HLCS: variants seen among roughly 807,000 people sequenced by gnomAD.
The protein encoded by HLCS is biotin--protein ligase.
In HLCS, 53 loss-of-function variants were observed where a neutral mutation model predicts 75.0. The ratio of observed to expected loss-of-function variants is 0.71; its 90% CI spans 0.57 to 0.89. The LOEUF is 0.89. Among genes scored for constraint, HLCS ranks in the 40% least tolerant of loss-of-function variants. HLCS has a pLI of 0.00. For missense variants in HLCS, 966 were observed against 1,074.0 expected, an observed-to-expected ratio of 0.90 and a Z score of 1.41; for synonymous variants, 431 against 428.6, an observed-to-expected ratio of 1.01 and a Z score of -0.07.
intron 2 of HLCS, among the ~76,000 whole-genome samples, chr21:36,949,757 T>G (rs1225350644): frequency 1.3e-5 from 2 of 152,162 alleles, no homozygotes; most frequent in African/African-American, 4.8e-5. Context: ...AAGAGAGATG[T>G]AGAGAGCAGA....
chr21:36,767,384 T>G (rs1023416091), intron 6 of HLCS, 99 bp from the exon 7 acceptor site: 13 of 1,201,680 alleles, frequency 1.1e-5, no homozygotes, highest in African/African-American at 1.0e-4. Context: ...CATCTGGGGG[T>G]GTGTGGCCAT....
intron 1 of HLCS, among the ~76,000 whole-genome samples, chr21:36,963,953 G>A (rs9981774): frequency 0.61 from 92,729 of 152,006 alleles, 28,577 homozygotes; most frequent in East Asian, 0.75. Context: ...CAGGCTTGGT[G>A]GCTCACACCT....
At chr21:36,938,175 A>G (rs1374344581) in intron 3 of HLCS, among the ~76,000 whole-genome samples, 1 of 152,256 alleles carries the variant, frequency 6.6e-6, no homozygotes, top group Non-Finnish European at 1.5e-5. Context: ...AGAACTTCAT[A>G]GTAACACTAG....
At chr21:36,982,034 T>G (rs1354346365) in intron 1 of HLCS, among the ~76,000 whole-genome samples, 1 of 152,212 alleles carries the variant, frequency 6.6e-6, no homozygotes, top group Non-Finnish European at 1.5e-5. Context: ...CTGCTGGGGT[T>G]TCTCATAACA....
chr21:36,799,755 T>C (rs939759635), intron 6 of HLCS, among the ~76,000 whole-genome samples: 1 of 152,188 alleles, frequency 6.6e-6, no homozygotes, highest in Non-Finnish European at 1.5e-5. Flanking sequence ...CCAACACAGT[T>C]CCATCCAATT....
chr21:36,920,342 G>GA (rs77703894), intron 5 of HLCS, among the ~76,000 whole-genome samples: 1,630 of 109,608 alleles, frequency 0.015, 27 homozygotes, highest in East Asian at 0.087. Context: ...CAAGAAAAAA[G>GA]AAAAAAAAAA....
intron 3 of HLCS, among the ~76,000 whole-genome samples, chr21:36,938,582 C>A (rs1476601150): frequency 6.6e-6 from 1 of 152,172 alleles, no homozygotes; most frequent in Non-Finnish European, 1.5e-5. Context: ...TCACTGTGGC[C>A]TCAACCTCCC....
intron 6 of HLCS, among the ~76,000 whole-genome samples, chr21:36,845,361 GCA>G (rs962920770): frequency 6.6e-6 from 1 of 152,134 alleles, no homozygotes; most frequent in Admixed American, 6.5e-5. Context: ...CCGTGCCGCG[GCA>G]CACAACAGTG....
At chr21:36,958,240 C>CA (rs146841900) in intron 2 of HLCS, among the ~76,000 whole-genome samples, 173 of 133,270 alleles carry the variant, frequency 1.3e-3, no homozygotes, top group African/African-American at 3.3e-3. Context: ...GAGACTGTCT[C>CA]AAAAAAAAAA....
At chr21:36,908,027 C>A (rs1000755300) in intron 5 of HLCS, among the ~76,000 whole-genome samples, 2 of 151,774 alleles carry the variant, frequency 1.3e-5, no homozygotes, top group African/African-American at 2.4e-5. Context: ...TGTGAGCACA[C>A]CACTGCATTC....
At chr21:36,887,505 A>C (rs992292177) in intron 6 of HLCS, among the ~76,000 whole-genome samples, 16 of 152,226 alleles carry the variant, frequency 1.1e-4, no homozygotes, top group African/African-American at 2.9e-4. Context: ...CAGGCCACAG[A>C]ATAATTCAAC....
chr21:36,891,586 C>G (rs927367579), intron 6 of HLCS, among the ~76,000 whole-genome samples: 2 of 152,122 alleles, frequency 1.3e-5, no homozygotes. Flanking sequence ...AACCTTTGAT[C>G]GAGTCCTGAC....
chr21:36,892,569 G>C (rs959910446), intron 6 of HLCS, among the ~76,000 whole-genome samples: 4 of 152,186 alleles, frequency 2.6e-5, no homozygotes, highest in African/African-American at 9.6e-5. Flanking sequence ...GGAAGGAAAT[G>C]AATGTCATAC....
intron 6 of HLCS, among the ~76,000 whole-genome samples, chr21:36,790,343 A>G (rs548486580): frequency 4.9e-4 from 74 of 152,262 alleles, no homozygotes; most frequent in African/African-American, 1.8e-3. Context: ...GGTGAAGGTT[A>G]CAGTGAGCTG....
intron 2 of HLCS, among the ~76,000 whole-genome samples, chr21:36,948,602 G>A (rs7276518): frequency 0.55 from 83,827 of 151,192 alleles, 23,541 homozygotes; most frequent in East Asian, 0.64. Context: ...GGTGGCACAC[G>A]CCTGTATTCC....
chr21:36,847,726 AGGGTTTATT>A (rs2062845113), intron 6 of HLCS, among the ~76,000 whole-genome samples: 1 of 152,220 alleles, frequency 6.6e-6, no homozygotes, highest in East Asian at 1.9e-4. Context: ...TTCTTTCAAC[AGGGTTTATT>A]GTTTTCTTCC....
chr21:36,958,199 CGCCACTGCACTCCA>C (rs2068074475), intron 2 of HLCS, among the ~76,000 whole-genome samples: 1 of 149,806 alleles, frequency 6.7e-6, no homozygotes. Context: ...GCCGAGATCG[CGCCACTGCACTCCA>C]GCCTGGGCGA....
At chr21:36,884,792 T>C (rs1407463924) in intron 6 of HLCS, among the ~76,000 whole-genome samples, 4 of 152,170 alleles carry the variant, frequency 2.6e-5, no homozygotes, top group Non-Finnish European at 4.4e-5. Flanking sequence ...TGCAGAGTAA[T>C]AAACATCTGG....
At chr21:36,877,240 T>C (rs1245711750) in intron 6 of HLCS, among the ~76,000 whole-genome samples, 1 of 152,232 alleles carries the variant, frequency 6.6e-6, no homozygotes, top group African/African-American at 2.4e-5. Flanking sequence ...TATTATCATT[T>C]AATGTAAATA....
Sources: gnomAD v4.1 joint callset for allele counts (sites outside exome capture counted in the v4.1 genomes callset) on GRCh38, gnomAD v4.1.1 for gene constraint, MANE v1.5 for transcripts, NCBI Gene and HGNC (gene_info 2026-07-23, HGNC 2026-07-21) for gene names.